The following GLIPR1L2 variants were observed in gnomAD, a reference collection of about 807,000 sequenced individuals.
GLIPR1L2 encodes the protein GLIPR1 like 2.
A neutral mutation model predicts 28.4 loss-of-function variants in GLIPR1L2; 21 were observed. The observed-to-expected ratio is 0.74, with a 90% CI of 0.52 to 1.06. The LOEUF (loss-of-function observed/expected upper bound fraction) is 1.06, where lower values mean the gene tolerates loss of function less well. GLIPR1L2 is among the 50% of genes least tolerant of loss of function. The pLI is 0.00. For synonymous variants in GLIPR1L2, 145 were observed against 139.3 expected, an observed-to-expected ratio of 1.04 and a Z score of -0.29; for missense variants, 476 against 416.9, an observed-to-expected ratio of 1.14 and a Z score of -1.23.
chr12:75,414,145 T>C (rs1023749240), intron 3 of GLIPR1L2, among the ~76,000 whole-genome samples: 1 of 152,038 alleles, frequency 6.6e-6, no homozygotes, highest in Non-Finnish European at 1.5e-5. Context: ...GTCTTATATG[T>C]ATAAGGAATT....
intron 1 of GLIPR1L2, chr12:75,402,962 A>G: frequency 2.2e-6 from 1 of 456,566 alleles, no homozygotes; most frequent in Non-Finnish European, 4.4e-6. Flanking sequence ...CAATAGCCCT[A>G]AATAAAGTCC....
At chr12:75,400,836 C>T (rs957784778) in intron 1 of GLIPR1L2, among the ~76,000 whole-genome samples, 1 of 152,036 alleles carries the variant, frequency 6.6e-6, no homozygotes, top group African/African-American at 2.4e-5. Flanking sequence ...TGTATTAGGG[C>T]TAGCATTCCT....
chr12:75,401,342 A>T (rs190222940), intron 1 of GLIPR1L2, among the ~76,000 whole-genome samples: 1 of 151,458 alleles, frequency 6.6e-6, no homozygotes, highest in Admixed American at 6.6e-5. Context: ...AAAATAATAT[A>T]GAAATGAAGA....
intron 4 of GLIPR1L2, among the ~76,000 whole-genome samples, chr12:75,428,895 A>G (rs953865074): frequency 2.3e-4 from 35 of 152,238 alleles, no homozygotes; most frequent in African/African-American, 7.7e-4. Flanking sequence ...TGCATAGATG[A>G]CAAGAGTTGA....
Position 75,408,617 on chromosome 12 carries a change from G to A in GLIPR1L2, c.235-1817G>A, listed in dbSNP as rs557099632. Among the ~76,000 whole-genome samples the A allele has an allele frequency of 5.8e-4, 88 of 152,132 alleles. 1 individual carries two copies. Among genetic ancestry groups the A allele is most frequent in the African/African-American group, 2.0e-3 (85 of 41,538 alleles). On this transcript the variant is annotated intron_variant, in intron 1 of 5. Transcript: ENST00000550916. ...GTTTGCAAATAGGAAACAATCTAAAGGTCTATTAATGGTGAAATGGTTACA... is the reference window on the plus strand; with the variant it reads ...GTTTGCAAATAGGAAACAATCTAAAAGTCTATTAATGGTGAAATGGTTACA...
chr12:75,403,814 CT>C (rs886326726), intron 1 of GLIPR1L2, among the ~76,000 whole-genome samples: 21 of 152,212 alleles, frequency 1.4e-4, no homozygotes, highest in African/African-American at 4.8e-4. Flanking sequence ...CCATTAGAGG[CT>C]TTCAAGAAAC....
At chr12:75,426,203 T>A (rs2139965657) in intron 4 of GLIPR1L2, among the ~76,000 whole-genome samples, 1 of 152,258 alleles carries the variant, frequency 6.6e-6, no homozygotes, top group Non-Finnish European at 1.5e-5. Flanking sequence ...GACTAGTAAA[T>A]TACTGGACTT....
intron 4 of GLIPR1L2, among the ~76,000 whole-genome samples, chr12:75,425,409 G>T (rs991696225): frequency 2.6e-5 from 4 of 152,140 alleles, no homozygotes; most frequent in African/African-American, 9.7e-5. Flanking sequence ...TGCAAATTAG[G>T]TGAGGAAAGT....
At chr12:75,418,065 AATATAAT>A (rs1478150254) in intron 3 of GLIPR1L2, among the ~76,000 whole-genome samples, 1 of 152,096 alleles carries the variant, frequency 6.6e-6, no homozygotes, top group Non-Finnish European at 1.5e-5. Context: ...CATTTAGTTA[AATATAAT>A]TTTGTTGTAA....
chr12:75,407,993 C>T (rs1228930427), intron 1 of GLIPR1L2, among the ~76,000 whole-genome samples: 1 of 151,956 alleles, frequency 6.6e-6, no homozygotes, highest in Non-Finnish European at 1.5e-5. Flanking sequence ...AAGGCCCATA[C>T]CTAGACATAT....
chr12:75,391,525 AAC>A, intron 1 of GLIPR1L2, 175 bp downstream of exon 1: 2 of 1,531,502 alleles, frequency 1.3e-6, no homozygotes, highest in Non-Finnish European at 1.7e-6. Flanking sequence ...CGGACACTCT[AAC>A]ACATGCTTAT....
intron 1 of GLIPR1L2, among the ~76,000 whole-genome samples, chr12:75,407,845 G>T (rs984364222): frequency 6.6e-6 from 1 of 151,966 alleles, no homozygotes; most frequent in Non-Finnish European, 1.5e-5. Context: ...TCTTGAACAA[G>T]CTATAATATC....
chr12:75,417,499 G>A (rs2045934920), intron 3 of GLIPR1L2, among the ~76,000 whole-genome samples: 1 of 152,124 alleles, frequency 6.6e-6, no homozygotes, highest in African/African-American at 2.4e-5. Flanking sequence ...AATTAATGCA[G>A]AATGGAAGAA....
Position 75,410,597 on chromosome 12 carries a change from C to T in GLIPR1L2, c.398C>T (p.Ala133Val). The change falls in exon 2 of 6, where the codon GCT becomes GTT. Residue 133 changes from alanine (A) to valine (V), a missense_variant. Transcript: ENST00000550916. ...GPENEFTASI[A>V]IRSWHAEKKM... is the part of the protein sequence containing the mutation. Reference sequence around the variant, plus strand: ...GAAAATGAATTTACTGCAAGTATTGCTATCAGAAGTTGGCATGCAGAGAAG... The same window carrying T: ...GAAAATGAATTTACTGCAAGTATTGTTATCAGAAGTTGGCATGCAGAGAAG... 1 of 1,612,160 alleles carries T rather than the reference C, an allele frequency of 6.2e-7. No individual in the cohort carries two copies. Among genetic ancestry groups the T allele is most frequent in the Non-Finnish European group, 8.5e-7 (1 of 1,178,788 alleles).
chr12:75,413,565 A>C, intron 2 of GLIPR1L2, 33 bp from the exon 3 acceptor site: 1 of 1,204,660 alleles, frequency 8.3e-7, no homozygotes, highest in Non-Finnish European at 1.2e-6. Context: ...TTTAAAATTA[A>C]ATTTTGTGTC....
chr12:75,396,066 A>G (rs1353698571), intron 1 of GLIPR1L2, among the ~76,000 whole-genome samples: 2 of 152,070 alleles, frequency 1.3e-5, no homozygotes, highest in Non-Finnish European at 2.9e-5. Flanking sequence ...AAGTTTAAAT[A>G]GTTGTGTTTT....
chr12:75,428,520 AT>A (rs1419055719), intron 4 of GLIPR1L2, among the ~76,000 whole-genome samples: 5 of 49,872 alleles, frequency 1.0e-4, no homozygotes, highest in East Asian at 7.2e-4. Flanking sequence ...TAGAAAAAAT[AT>A]ATATATATTT....
chr12:75,419,623 G>T (rs912335523), intron 3 of GLIPR1L2, among the ~76,000 whole-genome samples: 5 of 152,160 alleles, frequency 3.3e-5, no homozygotes, highest in African/African-American at 1.2e-4. Context: ...ATTAGAGGAT[G>T]GCACAGCTAA....
chr12:75,422,780 C>A, intron 3 of GLIPR1L2, 124 bp from the exon 4 acceptor site: 1 of 688,756 alleles, frequency 1.5e-6, no homozygotes, highest in South Asian at 2.0e-5. Context: ...TAAAGTATTT[C>A]CTTAAGTCCA....
Sources: allele counts gnomAD v4.1 joint callset (sites outside exome capture counted in the v4.1 genomes callset), GRCh38; gene constraint gnomAD v4.1.1; transcripts MANE v1.5; gene names NCBI Gene and HGNC (gene_info 2026-07-23, HGNC 2026-07-21).